Variants in PCDH15 observed in about 807,000 individuals in gnomAD.
PCDH15 encodes the protein protocadherin related 15, also known as protocadherin-15.
A neutral mutation model predicts 178.5 loss-of-function variants in PCDH15; 129 were observed. That is an observed-to-expected ratio of 0.72 (90% confidence interval 0.63 to 0.84). The LOEUF (loss-of-function observed/expected upper bound fraction) is 0.84. Ranked by LOEUF, PCDH15 falls within the 40% of genes least tolerant of loss-of-function variation. The probability of loss-of-function intolerance (pLI) is 0.00; values close to 1 mark genes in which losing one functional copy is unlikely to be tolerated. For missense variants in PCDH15, 2,230 were observed against 2,099.9 expected, an observed-to-expected ratio of 1.06 and a Z score of -1.21; for synonymous variants, 800 against 732.0, an observed-to-expected ratio of 1.09 and a Z score of -1.50.
chr10:54,353,140 T>C (rs1034294422), intron 5 of PCDH15, among the ~76,000 whole-genome samples: 2 of 152,178 alleles, frequency 1.3e-5, no homozygotes, highest in African/African-American at 2.4e-5. Context: ...TGCCAAATCA[T>C]TGTTTCTGTG....
At chr10:54,375,749 T>C (rs1948294612) in intron 4 of PCDH15, among the ~76,000 whole-genome samples, 1 of 146,544 alleles carries the variant, frequency 6.8e-6, no homozygotes, top group African/African-American at 2.6e-5. Flanking sequence ...TTGTTGGTTC[T>C]ATTTTGATAT....
At chr10:54,666,383 C>A (rs2094571981) in intron 1 of PCDH15, among the ~76,000 whole-genome samples, 2 of 152,038 alleles carry the variant, frequency 1.3e-5, no homozygotes, top group African/African-American at 4.8e-5. Context: ...GAGTAAGACA[C>A]TTCTGCTCAT....
intron 23 of PCDH15, among the ~76,000 whole-genome samples, chr10:53,949,631 A>C (rs972350225): frequency 6.6e-6 from 1 of 152,136 alleles, no homozygotes; most frequent in Admixed American, 6.6e-5. Context: ...GCAGCTACTT[A>C]GGAGGCTGAG....
intron 1 of PCDH15, among the ~76,000 whole-genome samples, chr10:54,669,848 T>C (rs1254681132): frequency 6.6e-6 from 1 of 150,518 alleles, no homozygotes; most frequent in African/African-American, 2.5e-5. Flanking sequence ...AGATCAGGAG[T>C]TCCAGACCAG....
At chr10:53,984,010 A>C (rs1342189607) in intron 21 of PCDH15, among the ~76,000 whole-genome samples, 3 of 151,740 alleles carry the variant, frequency 2.0e-5, no homozygotes, top group African/African-American at 7.3e-5. Context: ...TCTTGGCATA[A>C]CCTTCAGACC....
At chr10:54,212,516 A>T (rs2051555656) in intron 10 of PCDH15, among the ~76,000 whole-genome samples, 1 of 152,084 alleles carries the variant, frequency 6.6e-6, no homozygotes, top group Admixed American at 6.6e-5. Context: ...TTCATTGACC[A>T]TACTCTTTCA....
intron 2 of PCDH15, among the ~76,000 whole-genome samples, chr10:55,004,422 C>T (rs1839873271): frequency 6.6e-6 from 1 of 152,062 alleles, no homozygotes; most frequent in Non-Finnish European, 1.5e-5. Context: ...TGTCTCAAAA[C>T]TTACATTTGT....
Position 54,167,549 on chromosome 10 carries a change from G to T in PCDH15, c.1591-14256C>A, listed in dbSNP as rs183267480. Among the ~76,000 whole-genome samples, 1,404 of 152,036 alleles carry T rather than the reference G, an allele frequency of 9.2e-3. 21 individuals carry two copies. Among genetic ancestry groups the T allele is most frequent in the African/African-American group, 0.031 (1,297 of 41,432 alleles). On this transcript the variant is annotated intron_variant, in intron 13 of 37. Transcript: ENST00000644397. ...AGACCACACAGGGACGCCTGCCTTG[G>T]TCCTTCACCCTTAGCGGCAAGTCCT...
At chr10:54,507,424 A>G (rs1017125051) in intron 3 of PCDH15, among the ~76,000 whole-genome samples, 1 of 151,646 alleles carries the variant, frequency 6.6e-6, no homozygotes, top group Non-Finnish European at 1.5e-5. Context: ...GTTTTATTTT[A>G]TAATCAGTGC....
chr10:55,203,556 C>T (rs1539686), intron 1 of PCDH15, among the ~76,000 whole-genome samples: 1 of 152,016 alleles, frequency 6.6e-6, no homozygotes, highest in Non-Finnish European at 1.5e-5. Flanking sequence ...GGAAGGCTTC[C>T]TTGCTCAGAA....
intron 2 of PCDH15, among the ~76,000 whole-genome samples, chr10:55,372,650 A>G (rs959098789): frequency 6.6e-6 from 1 of 152,146 alleles, no homozygotes; most frequent in African/African-American, 2.4e-5. Flanking sequence ...AGGCAAAGCC[A>G]AACTTAAGCC....
intron 25 of PCDH15, among the ~76,000 whole-genome samples, chr10:53,930,586 T>C (rs1022164091): frequency 1.3e-5 from 2 of 151,874 alleles, no homozygotes; most frequent in Non-Finnish European, 2.9e-5. Flanking sequence ...GCTCTTCTGC[T>C]GCTAAAGCTT....
chr10:54,345,002 A>T (rs1276997817), intron 6 of PCDH15, among the ~76,000 whole-genome samples: 1 of 148,726 alleles, frequency 6.7e-6, no homozygotes, highest in African/African-American at 2.5e-5. Context: ...CTTATTTTCC[A>T]AATTTATTAA....
At chr10:54,247,945 T>TATAC (rs1416697196) in intron 8 of PCDH15, among the ~76,000 whole-genome samples, 8 of 146,712 alleles carry the variant, frequency 5.5e-5, no homozygotes, top group Non-Finnish European at 7.5e-5. Context: ...AATATATATA[T>TATAC]ATATATATAT....
At chr10:55,390,133 T>C (rs2132012321) in intron 2 of PCDH15, among the ~76,000 whole-genome samples, 1 of 152,260 alleles carries the variant, frequency 6.6e-6, no homozygotes, top group South Asian at 2.1e-4. Context: ...TTTTCTTTTT[T>C]TGGTCTTCCA....
intron 8 of PCDH15, among the ~76,000 whole-genome samples, chr10:54,259,323 T>C (rs2057148447): frequency 6.6e-6 from 1 of 152,164 alleles, no homozygotes; most frequent in Non-Finnish European, 1.5e-5. Context: ...TAGGTCTAGC[T>C]GAAGCTGTAT....
intron 24 of PCDH15, among the ~76,000 whole-genome samples, chr10:53,939,340 C>A (rs879823420): frequency 1.3e-5 from 2 of 151,804 alleles, no homozygotes; most frequent in Non-Finnish European, 2.9e-5. Context: ...TTTGTTTAAC[C>A]AAAATTTTCT....
chr10:54,338,308 A>G (rs574459750), intron 6 of PCDH15, among the ~76,000 whole-genome samples: 1 of 151,924 alleles, frequency 6.6e-6, no homozygotes, highest in Non-Finnish European at 1.5e-5. Context: ...TACCCTGAAA[A>G]GTATTATTAA....
chr10:55,277,351 C>A lies in PCDH15; in HGVS notation c.-156+42248G>T, dbSNP rs553494613. ...TAAAAGTATACTCCCTTAAAAATAA[C>A]CCTGTGATTCATTATCTGTTGAAAA... On this transcript the variant is annotated intron_variant, in intron 1 of 5. Coordinates refer to the PCDH15 transcript ENST00000458638. 1.6e-3 allele frequency among the ~76,000 whole-genome samples: 239 copies of A among 151,974 alleles called. 5 individuals are homozygous for A. Among genetic ancestry groups the A allele is most frequent in the Admixed American group, 0.015 (226 of 15,246 alleles).
Sources: gnomAD v4.1 joint callset for allele counts (sites outside exome capture counted in the v4.1 genomes callset) on GRCh38, gnomAD v4.1.1 for gene constraint, MANE v1.5 for transcripts, NCBI Gene and HGNC (gene_info 2026-07-23, HGNC 2026-07-21) for gene names.